Variants in SLC35F2 observed in about 807,000 individuals in gnomAD.
SLC35F2 encodes queuine/queuosine transporter SLC35F2.
SLC35F2 carries 25 observed loss-of-function variants against 38.1 expected under a neutral mutation model. The observed-to-expected ratio is 0.66, with a 90% CI of 0.48 to 0.92. The LOEUF is 0.92. Among genes scored for constraint, SLC35F2 ranks in the 40% least tolerant of loss-of-function variants. The pLI, the probability that SLC35F2 is intolerant of heterozygous loss-of-function variation, is 0.00. For synonymous variants in SLC35F2, 173 were observed against 181.7 expected (o/e 0.95, Z 0.38); for missense variants, 409 against 452.9 (o/e 0.90, Z 0.88).
intron 1 of SLC35F2, among the ~76,000 whole-genome samples, chr11:107,841,149 G>A (rs1860007489): frequency 6.6e-6 from 1 of 152,182 alleles, no homozygotes; most frequent in African/African-American, 2.4e-5. Context: ...CCAAAATTTT[G>A]TCAGTCTCAG....
At chr11:107,844,117 GT>G (rs920568009) in intron 1 of SLC35F2, among the ~76,000 whole-genome samples, 1 of 151,928 alleles carries the variant, frequency 6.6e-6, no homozygotes, top group African/African-American at 2.4e-5. Context: ...CCCAAGGTCT[GT>G]TTTTTGTTTG....
chr11:107,810,874 CTG>C, intron 3 of SLC35F2: 1 of 981,666 alleles, frequency 1.0e-6, no homozygotes, highest in Middle Eastern at 5.2e-4. Flanking sequence ...AAGAACATCT[CTG>C]TATTTTGTAT....
At chr11:107,853,641 A>G (rs376146297) in intron 1 of SLC35F2, among the ~76,000 whole-genome samples, 195 of 145,180 alleles carry the variant, frequency 1.3e-3, no homozygotes, top group African/African-American at 4.8e-3. Flanking sequence ...AATGGCGTGA[A>G]CCCGGGAGGC....
intron 6 of SLC35F2, 123 bp downstream of exon 6, chr11:107,804,595 T>A (rs910272236): frequency 1.5e-6 from 1 of 669,588 alleles, no homozygotes; most frequent in East Asian, 2.9e-5. Context: ...ATAGTTGATA[T>A]GTATTAAATC....
chr11:107,809,170 T>C (rs776623191), intron 3 of SLC35F2, among the ~76,000 whole-genome samples: 3 of 152,102 alleles, frequency 2.0e-5, no homozygotes, highest in Non-Finnish European at 2.9e-5. Flanking sequence ...CCTTTAGTCA[T>C]GTGAACCTTC....
At chr11:107,808,805 G>A (rs1311196995) in intron 3 of SLC35F2, among the ~76,000 whole-genome samples, 2 of 152,160 alleles carry the variant, frequency 1.3e-5, no homozygotes, top group Non-Finnish European at 1.5e-5. Context: ...CCCTGTCCCT[G>A]AAGACACCAG....
chr11:107,823,992 G>A (rs1220865913), intron 1 of SLC35F2: 1 of 982,696 alleles, frequency 1.0e-6, no homozygotes, highest in Non-Finnish European at 1.2e-6. Context: ...TACATAGTGA[G>A]TAGCAGCCAA....
chr11:107,801,135 G>A (rs1387866977), intron 7 of SLC35F2, among the ~76,000 whole-genome samples: 1 of 152,086 alleles, frequency 6.6e-6, no homozygotes, highest in Admixed American at 6.6e-5. Context: ...TCGAACCCTT[G>A]ACTTCAGGTG....
intron 7 of SLC35F2, among the ~76,000 whole-genome samples, chr11:107,799,803 C>T (rs12796978): frequency 0.055 from 8,364 of 151,960 alleles, 278 homozygotes; most frequent in East Asian, 0.15. Context: ...CTCTTGACCT[C>T]GTGATCTGCC....
intron 3 of SLC35F2, among the ~76,000 whole-genome samples, chr11:107,807,271 C>CAAAAAAAAAAAAA (rs201964530): frequency 0.015 from 1,030 of 70,620 alleles, 79 homozygotes; most frequent in East Asian, 0.044. Context: ...CCTGTCTGTA[C>CAAAAAAAAAAAAA]AAAAAAAAAA....
intron 1 of SLC35F2, among the ~76,000 whole-genome samples, chr11:107,853,817 C>A (rs1432518859): frequency 6.6e-6 from 1 of 150,964 alleles, no homozygotes; most frequent in East Asian, 1.9e-4. Context: ...CCTTGAAAAG[C>A]TTATTTATCT....
intron 3 of SLC35F2, among the ~76,000 whole-genome samples, chr11:107,808,954 A>C (rs1859438896): frequency 6.6e-6 from 1 of 152,214 alleles, no homozygotes; most frequent in Non-Finnish European, 1.5e-5. Flanking sequence ...TATCTTTAAC[A>C]ACTTTTGTTG....
intron 1 of SLC35F2, among the ~76,000 whole-genome samples, chr11:107,837,431 T>C (rs550405079): frequency 3.3e-5 from 5 of 151,676 alleles, no homozygotes; most frequent in Admixed American, 1.3e-4. Flanking sequence ...CTCATGCCTG[T>C]AATCCCAGCA....
At chr11:107,845,885 A>G (rs10890767) in intron 1 of SLC35F2, among the ~76,000 whole-genome samples, 65,330 of 151,034 alleles carry the variant, frequency 0.43, 14,190 homozygotes, top group Admixed American at 0.53. Flanking sequence ...CCCAGGAGGC[A>G]GAGGTTGCAG....
intron 2 of SLC35F2, among the ~76,000 whole-genome samples, chr11:107,812,140 A>C (rs1216793277): frequency 6.6e-6 from 1 of 152,066 alleles, no homozygotes; most frequent in Non-Finnish European, 1.5e-5. Context: ...TCCTGAGCTC[A>C]AGTGATCTGC....
chr11:107,792,722 C>A lies in SLC35F2; in HGVS notation c.1018G>T (p.Ala340Ser). 1 of 1,613,856 alleles carries A rather than the reference C, an allele frequency of 6.2e-7. No individual in the cohort carries two copies. The highest frequency in any genetic ancestry group is 1.7e-5 in the Admixed American group (1 of 59,966). ...GGCACGCTGCTTTCAGCCGGCTCGGCCGTGCGAGTAGGGGTGGAGCAGTAC... is the reference window on the plus strand; with the variant it reads ...GGCACGCTGCTTTCAGCCGGCTCGGACGTGCGAGTAGGGGTGGAGCAGTAC... ...ILYCSTPTRT[A>S]EPAESSVPPV... Residue 340 changes from alanine (A) to serine (S), a missense_variant, in exon 8 of 8, where the codon GCC (alanine) becomes TCC (serine). By Grantham distance (99) the Ala-to-Ser change is moderately conservative. Coordinates refer to ENST00000525815, the MANE Select transcript of SLC35F2 (RefSeq NM_017515.5).
rs1860340601 is a variant in SLC35F2, at chr11:107,858,734, G to A, written c.34C>T (p.Pro12Ser). 15 of 1,285,496 alleles carry A rather than the reference G, an allele frequency of 1.2e-5. No homozygotes were observed. The highest frequency in any genetic ancestry group is 1.5e-5 in the Non-Finnish European group (15 of 1,008,444). The allele number at this position is 1,285,496 out of a possible 1,614,324, so 79.6% of individuals were successfully genotyped here. Residue 12 changes from proline (P) to serine (S), a missense_variant, in exon 1 of 8, where the codon CCA (proline) becomes TCA (serine). Pro to Ser is a moderately conservative substitution (Grantham distance 74, BLOSUM62 -1). Transcript: ENST00000525815. ...EADSPAGPGAPEPLAEGAAAE... is the reference protein window; with the variant it reads ...EADSPAGPGASEPLAEGAAAE... ...GCCGCTCCCTCCGCGAGGGGCTCTGGGGCGCCGGGGCCCGCTGGCGAGTCT... is the reference window on the plus strand; with the variant it reads ...GCCGCTCCCTCCGCGAGGGGCTCTGAGGCGCCGGGGCCCGCTGGCGAGTCT...
intron 1 of SLC35F2, among the ~76,000 whole-genome samples, chr11:107,846,573 T>C (rs1400414902): frequency 6.6e-6 from 1 of 152,182 alleles, no homozygotes; most frequent in Non-Finnish European, 1.5e-5. Context: ...GCCAAAATTA[T>C]AAATAAATGA....
intron 1 of SLC35F2, among the ~76,000 whole-genome samples, chr11:107,857,012 T>G (rs1337363288): frequency 2.4e-5 from 3 of 125,208 alleles, no homozygotes; most frequent in African/African-American, 9.5e-5. Context: ...CACAGAGAAG[T>G]GACTTGTCCA....
Sources: gnomAD v4.1 joint callset for allele counts (sites outside exome capture counted in the v4.1 genomes callset) on GRCh38, gnomAD v4.1.1 for gene constraint, MANE v1.5 for transcripts, NCBI Gene and HGNC (gene_info 2026-07-23, HGNC 2026-07-21) for gene names.